The following RAB38 variants were observed in gnomAD, a reference collection of about 807,000 sequenced individuals.
RAB38 encodes ras-related protein Rab-38.
RAB38 carries 15 observed loss-of-function variants against 18.4 expected under a neutral mutation model. The ratio of observed to expected loss-of-function variants is 0.82; its 90% CI spans 0.55 to 1.26. RAB38 has a LOEUF of 1.26. Ranked by LOEUF, RAB38 falls within the 50% of genes most tolerant of loss-of-function variation. The pLI is 0.00. For missense variants in RAB38, 294 were observed against 267.4 expected, an observed-to-expected ratio of 1.10 and a Z score of -0.69; for synonymous variants, 101 against 104.4, an observed-to-expected ratio of 0.97 and a Z score of 0.20.
intron 2 of RAB38, among the ~76,000 whole-genome samples, chr11:88,118,495 C>T (rs1942587268): frequency 6.6e-6 from 1 of 152,120 alleles, no homozygotes; most frequent in Admixed American, 6.5e-5. Flanking sequence ...ACAGTGAAGC[C>T]CACATTTTCT....
the RAB38 span, among the ~76,000 whole-genome samples, chr11:88,027,394 G>A: frequency 2.0e-4 from 31 of 152,276 alleles, 1 homozygote; most frequent in Admixed American, 6.5e-4. Flanking sequence ...TGCGTGCACC[G>A]TGTGCGAGCC....
chr11:88,017,551 G>T, the RAB38 span, among the ~76,000 whole-genome samples: 2 of 151,092 alleles, frequency 1.3e-5, no homozygotes, highest in Admixed American at 1.3e-4. Flanking sequence ...TTCATATTTT[G>T]CTGATTAACT....
intron 1 of RAB38, among the ~76,000 whole-genome samples, chr11:88,163,709 A>T (rs1943214310): frequency 6.6e-6 from 1 of 152,174 alleles, no homozygotes; most frequent in Non-Finnish European, 1.5e-5. Flanking sequence ...GATTATAGTG[A>T]CCTACTTTTG....
the RAB38 span, among the ~76,000 whole-genome samples, chr11:87,893,390 A>ATATATTTTTT: frequency 8.5e-5 from 8 of 93,890 alleles, no homozygotes; most frequent in Non-Finnish European, 1.7e-4. Context: ...ATATATATAT[A>ATATATTTTTT]TTTTTTTTTT....
chr11:88,033,266 T>C, the RAB38 span, among the ~76,000 whole-genome samples: 5 of 151,942 alleles, frequency 3.3e-5, no homozygotes, highest in African/African-American at 1.2e-4. Flanking sequence ...TTGGGAGATA[T>C]ACCTAATGCT....
chr11:87,883,834 GTTTC>G, the RAB38 span, among the ~76,000 whole-genome samples: 1 of 151,918 alleles, frequency 6.6e-6, no homozygotes, highest in African/African-American at 2.4e-5. Flanking sequence ...CAAGAGAACT[GTTTC>G]TTTCTTAGAT....
the RAB38 span, among the ~76,000 whole-genome samples, chr11:87,925,215 T>C: frequency 6.6e-6 from 1 of 152,108 alleles, no homozygotes; most frequent in African/African-American, 2.4e-5. Context: ...GGAGTTCAGC[T>C]TAGAACCTCT....
chr11:87,931,660 A>G, the RAB38 span, among the ~76,000 whole-genome samples: 1 of 152,138 alleles, frequency 6.6e-6, no homozygotes, highest in East Asian at 1.9e-4. Context: ...TGGATTACCC[A>G]TAATATCAGT....
the RAB38 span, among the ~76,000 whole-genome samples, chr11:88,101,013 A>G: frequency 4.6e-5 from 7 of 151,974 alleles, no homozygotes; most frequent in Non-Finnish European, 1.0e-4. Context: ...CTGTTCTCCT[A>G]TTGAAAATGA....
At chr11:87,870,122 A>G in the RAB38 span, among the ~76,000 whole-genome samples, 2 of 151,814 alleles carry the variant, frequency 1.3e-5, no homozygotes, top group South Asian at 4.1e-4. Flanking sequence ...TAGTCATAAT[A>G]TTATCTAGCC....
the RAB38 span, among the ~76,000 whole-genome samples, chr11:87,904,414 C>T: frequency 6.6e-6 from 1 of 151,738 alleles, no homozygotes; most frequent in Non-Finnish European, 1.5e-5. Flanking sequence ...CTGCAAAGGA[C>T]ATGATTTTGT....
the RAB38 span, among the ~76,000 whole-genome samples, chr11:88,032,359 C>T: frequency 6.6e-6 from 1 of 152,108 alleles, no homozygotes; most frequent in Admixed American, 6.5e-5. Context: ...GCAATGGCAA[C>T]CAAAGCCAAA....
At chr11:88,076,726 G>A in the RAB38 span, among the ~76,000 whole-genome samples, 1 of 151,282 alleles carries the variant, frequency 6.6e-6, no homozygotes, top group Non-Finnish European at 1.5e-5. Flanking sequence ...GCTGAGGTGG[G>A]TGGATCACCT....
chr11:87,871,284 C>T, the RAB38 span, among the ~76,000 whole-genome samples: 179 of 151,654 alleles, frequency 1.2e-3, 1 homozygote, highest in Middle Eastern at 0.01. Context: ...CCCTCCCTAC[C>T]GTCTGCCACC....
chr11:88,094,800 C>A, the RAB38 span, among the ~76,000 whole-genome samples: 1 of 151,928 alleles, frequency 6.6e-6, no homozygotes, highest in Non-Finnish European at 1.5e-5. Flanking sequence ...GTTCTTTGTG[C>A]TGGCAGGCAA....
intron 2 of RAB38, among the ~76,000 whole-genome samples, chr11:88,146,259 A>C (rs1334439397): frequency 1.3e-5 from 2 of 152,136 alleles, no homozygotes; most frequent in Non-Finnish European, 2.9e-5. Context: ...CTCATCTAAA[A>C]TCCTGCAAGT....
chr11:87,928,084 G>A, the RAB38 span, among the ~76,000 whole-genome samples: 4 of 151,104 alleles, frequency 2.6e-5, no homozygotes, highest in Admixed American at 2.0e-4. Context: ...AAAAAAATAA[G>A]AAAACAGAAA....
chr11:87,883,256 T>C, the RAB38 span, among the ~76,000 whole-genome samples: 1 of 151,928 alleles, frequency 6.6e-6, no homozygotes, highest in Admixed American at 6.6e-5. Flanking sequence ...TTGGAAATTT[T>C]CTGTTAAACC....
chr11:87,915,704 T>A, the RAB38 span, among the ~76,000 whole-genome samples: 331 of 152,238 alleles, frequency 2.2e-3, 5 homozygotes, highest in Middle Eastern at 0.027. Flanking sequence ...CATTTTTTAA[T>A]TGCTTTACTC....
Sources: allele counts gnomAD v4.1 joint callset (sites outside exome capture counted in the v4.1 genomes callset), GRCh38; gene constraint gnomAD v4.1.1; transcripts MANE v1.5; gene names NCBI Gene and HGNC (gene_info 2026-07-23, HGNC 2026-07-21).